Variants in SULF2 observed in about 807,000 individuals in gnomAD.
SULF2 encodes extracellular sulfatase Sulf-2.
SULF2 carries 52 observed loss-of-function variants against 107.7 expected under a neutral mutation model. The observed-to-expected ratio is 0.48, with a 90% CI of 0.39 to 0.61. The LOEUF (loss-of-function observed/expected upper bound fraction) is 0.61, where lower values mean the gene tolerates loss of function less well. SULF2 is among the 20% of genes least tolerant of loss of function. The pLI, the probability that SULF2 is intolerant of heterozygous loss-of-function variation, is 0.00. For missense variants in SULF2, 993 were observed against 1,177.3 expected (o/e 0.84, Z 2.29); for synonymous variants, 460 against 464.3 (o/e 0.99, Z 0.12).
At chr20:47,769,296 T>G (rs2090583921) in intron 1 of SULF2, among the ~76,000 whole-genome samples, 1 of 152,034 alleles carries the variant, frequency 6.6e-6, no homozygotes, top group Non-Finnish European at 1.5e-5. Context: ...CGCCTCGGCT[T>G]CCCAAAGTGC....
rs577176595 is a variant in SULF2 at position 47,757,422 on chromosome 20, G to A, written c.-59C>T. ...GATGCGGGAGTCTCAAGTTGCGTCT[G>A]TGGCTTTGTTTCTTTTCCCTCGTCC... On this transcript the variant is annotated 5_prime_UTR_variant, in exon 2 of 21. Transcript: ENST00000688720. 1.2e-5 allele frequency: 18 copies of A among 1,499,868 alleles called. No individual in the cohort carries two copies. The African/African-American group carries it at 1.7e-4, about 14-fold the overall frequency. The allele number at this position is 1,499,868 out of a possible 1,614,324, so 92.9% of individuals were successfully genotyped here.
intron 4 of SULF2, among the ~76,000 whole-genome samples, chr20:47,698,427 T>TGGGG (rs1224120984): frequency 1.3e-5 from 2 of 152,140 alleles, no homozygotes; most frequent in East Asian, 3.9e-4. Context: ...TGAGACTCTC[T>TGGGG]GGGACTCCTG....
At chr20:47,732,977 A>G (rs1422696274) in intron 3 of SULF2, among the ~76,000 whole-genome samples, 1 of 152,248 alleles carries the variant, frequency 6.6e-6, no homozygotes, top group Admixed American at 6.5e-5. Flanking sequence ...ACAAATTGAT[A>G]TTTATCCTGC....
rs2088523989 is a variant in SULF2, at chr20:47,700,442, A to G, written c.567+2077T>C. On this transcript the variant is annotated intron_variant, in intron 4 of 20. Transcript: ENST00000688720. ...CTAAGCTACTACATACTGAGTATTT[A>G]CTACGTGCAAGGGGCGCTTCTAATG... Among the ~76,000 whole-genome samples the G allele has an allele frequency of 3.9e-5, 6 of 152,168 alleles. No homozygotes were observed. In the South Asian group the frequency reaches 1.2e-3, roughly 32 times the overall value.
chr20:47,710,184 G>A (rs564643754), intron 3 of SULF2, among the ~76,000 whole-genome samples: 4 of 152,130 alleles, frequency 2.6e-5, no homozygotes, highest in Non-Finnish European at 5.9e-5. Flanking sequence ...TTACAGGCGT[G>A]AGCCACCGTG....
chr20:47,730,832 A>T (rs1020737546), intron 3 of SULF2, among the ~76,000 whole-genome samples: 7 of 152,128 alleles, frequency 4.6e-5, no homozygotes, highest in African/African-American at 1.7e-4. Flanking sequence ...GCTTTTCCTT[A>T]TTCTTTCCAG....
Position 47,760,358 on chromosome 20 carries a change from A to G in SULF2, c.-100-2895T>C, listed in dbSNP as rs2090392378. 3.3e-5 allele frequency among the ~76,000 whole-genome samples: 5 copies of G among 152,180 alleles called. No homozygotes were observed. In the South Asian group the frequency reaches 1.0e-3, roughly 32 times the overall value. ...GTGCATTTATTCTCCTCCCGCACGC[A>G]GTAGCTCCCCAGGCAGTAGCCTTCG... On this transcript the variant is annotated intron_variant, in intron 1 of 20. Transcript: ENST00000688720.
intron 7 of SULF2, among the ~76,000 whole-genome samples, chr20:47,682,237 C>T (rs550119061): frequency 1.2e-4 from 18 of 152,358 alleles, no homozygotes; most frequent in South Asian, 6.2e-4. Context: ...GCACTGTCAA[C>T]GCCTTTTCAG....
chr20:47,698,043 G>A (rs1445966272), intron 4 of SULF2, among the ~76,000 whole-genome samples: 2 of 152,252 alleles, frequency 1.3e-5, no homozygotes, highest in South Asian at 2.1e-4. Context: ...GGCCTACTAT[G>A]TGCAGAATGA....
intron 18 of SULF2, among the ~76,000 whole-genome samples, chr20:47,660,870 C>T (rs888759279): frequency 6.6e-6 from 1 of 152,184 alleles, no homozygotes; most frequent in African/African-American, 2.4e-5. Flanking sequence ...TTACCTGGGA[C>T]TCCTAATCCC....
At chr20:47,753,098 C>CAAAAAAAAAAAAAA (rs10578438) in intron 2 of SULF2, among the ~76,000 whole-genome samples, 8 of 90,678 alleles carry the variant, frequency 8.8e-5, no homozygotes, top group Non-Finnish European at 1.3e-4. Flanking sequence ...GAGACTCTCT[C>CAAAAAAAAAAAAAA]AAAAAAAAAA....
At chr20:47,659,819 T>C in intron 18 of SULF2, 89 bp from the exon 19 acceptor site, 6 of 1,001,112 alleles carry the variant, frequency 6.0e-6, no homozygotes, top group Non-Finnish European at 9.4e-6. Flanking sequence ...TTATGCTTTT[T>C]TGTCACAATC....
chr20:47,759,739 T>C (rs1442470136), intron 1 of SULF2, among the ~76,000 whole-genome samples: 1 of 152,202 alleles, frequency 6.6e-6, no homozygotes, highest in Non-Finnish European at 1.5e-5. Context: ...CTCCTGGCTC[T>C]TTCTGTCAAA....
chr20:47,700,339 G>A (rs1380271573), intron 4 of SULF2, among the ~76,000 whole-genome samples: 1 of 152,140 alleles, frequency 6.6e-6, no homozygotes, highest in East Asian at 1.9e-4. Context: ...CTTCTGCAGT[G>A]GTAACAGGAC....
At chr20:47,730,660 G>C (rs2089572674) in intron 3 of SULF2, among the ~76,000 whole-genome samples, 1 of 152,166 alleles carries the variant, frequency 6.6e-6, no homozygotes, top group Non-Finnish European at 1.5e-5. Context: ...ATGTTGGCCA[G>C]GCTAGTCTCA....
chr20:47,702,269 A>G (rs2088596456), intron 4 of SULF2, among the ~76,000 whole-genome samples: 1 of 152,168 alleles, frequency 6.6e-6, no homozygotes, highest in Non-Finnish European at 1.5e-5. Flanking sequence ...CATGTTGCCC[A>G]GGCTGGTCTT....
chr20:47,707,612 C>T (rs376759281), intron 3 of SULF2, among the ~76,000 whole-genome samples: 6 of 152,158 alleles, frequency 3.9e-5, no homozygotes, highest in African/African-American at 1.2e-4. Context: ...ATGAAGTACT[C>T]GAGTGAGATA....
At chr20:47,744,252 G>A (rs1185984968) in intron 2 of SULF2, among the ~76,000 whole-genome samples, 5 of 152,004 alleles carry the variant, frequency 3.3e-5, no homozygotes, top group Non-Finnish European at 4.4e-5. Flanking sequence ...GCGCGATCTC[G>A]GCTCACTGCA....
In SULF2 at chr20:47,677,109, C is replaced by A; in HGVS notation, c.1219G>T (p.Val407Phe). 1 of 1,613,490 alleles carries A rather than the reference C, an allele frequency of 6.2e-7. No individual in the cohort carries two copies. The part of the protein sequence containing the change: ...NRFHLKKKMR[V>F]WRDSFLVERG... ...TCCACCAAGAAGGAGTCCCGCCAGA[C>A]CCTCATCTTCTTTTTCAAGTGAAAC... The change falls in exon 9 of 21, where the codon GTC (valine) becomes TTC (phenylalanine). Residue 407 changes from valine to phenylalanine, a missense_variant. By Grantham distance (50) the Val-to-Phe change is conservative. Around this residue, in one of 3 missense-constraint regions of SULF2, gnomAD observed 108 missense variants for 183.9 expected, o/e 0.59. Coordinates refer to ENST00000688720, the MANE Select transcript of SULF2 (RefSeq NM_001387048.1).
Sources: allele counts gnomAD v4.1 joint callset (sites outside exome capture counted in the v4.1 genomes callset), GRCh38; gene constraint gnomAD v4.1.1; regional missense constraint gnomAD v4.1.1; transcripts MANE v1.5; gene names NCBI Gene and HGNC (gene_info 2026-07-23, HGNC 2026-07-21).